PKN2: variants seen among roughly 807,000 people sequenced by gnomAD.
PKN2 encodes protein kinase N2.
In PKN2, 38 loss-of-function variants were observed where a neutral mutation model predicts 119.1. The ratio of observed to expected loss-of-function variants is 0.32; its 90% CI spans 0.25 to 0.42. PKN2 has a LOEUF of 0.42. Ranked by LOEUF, PKN2 falls within the 10% of genes least tolerant of loss-of-function variation. The pLI, the probability that PKN2 is intolerant of heterozygous loss-of-function variation, is 1.00. For missense variants in PKN2, 850 were observed against 1,165.1 expected (o/e 0.73, Z 3.94); for synonymous variants, 390 against 384.9 (o/e 1.01, Z -0.15).
At chr1:88,705,476 C>T (rs949692860) in intron 1 of PKN2, among the ~76,000 whole-genome samples, 13 of 151,898 alleles carry the variant, frequency 8.6e-5, no homozygotes, top group Non-Finnish European at 1.9e-4. Context: ...AGGCAGATCA[C>T]GAGGTCAGGA....
At chr1:88,738,452 A>G (rs910751384) in intron 1 of PKN2, among the ~76,000 whole-genome samples, 6 of 152,230 alleles carry the variant, frequency 3.9e-5, no homozygotes, top group East Asian at 1.9e-4. Flanking sequence ...GAAAGGAGAG[A>G]TGGTGCATAC....
intron 16 of PKN2, 36 bp from the exon 17 acceptor site, chr1:88,821,905 T>TTTA: frequency 6.7e-7 from 1 of 1,493,478 alleles, no homozygotes; most frequent in Admixed American, 2.5e-5. Context: ...AGCAATAAAA[T>TTTA]TTATTAAACT....
intron 16 of PKN2, among the ~76,000 whole-genome samples, chr1:88,820,124 C>T (rs1163599444): frequency 3.5e-5 from 5 of 143,090 alleles, no homozygotes; most frequent in Non-Finnish European, 7.5e-5. Flanking sequence ...ACATGTATCC[C>T]AGAACTTAAA....
At chr1:88,690,783 G>A (rs890995102) in intron 1 of PKN2, among the ~76,000 whole-genome samples, 13 of 152,018 alleles carry the variant, frequency 8.6e-5, no homozygotes, top group African/African-American at 2.7e-4. Flanking sequence ...GATCAAGAAA[G>A]CATGGGACAG....
chr1:88,749,969 A>G (rs1668922159), intron 2 of PKN2, among the ~76,000 whole-genome samples: 1 of 152,248 alleles, frequency 6.6e-6, no homozygotes, highest in South Asian at 2.1e-4. Flanking sequence ...GCTATAAAAT[A>G]AAGACCAAAG....
intron 6 of PKN2, among the ~76,000 whole-genome samples, chr1:88,781,842 C>A (rs1316188883): frequency 6.6e-6 from 1 of 151,956 alleles, no homozygotes; most frequent in Non-Finnish European, 1.5e-5. Context: ...TTAACAACAA[C>A]AAAACAAATA....
chr1:88,714,137 C>T (rs1310061232), intron 1 of PKN2, among the ~76,000 whole-genome samples: 1 of 152,136 alleles, frequency 6.6e-6, no homozygotes, highest in African/African-American at 2.4e-5. Flanking sequence ...TTCCATTTGT[C>T]TATATCTCTG....
chr1:88,690,999 A>G (rs935423947), intron 1 of PKN2, among the ~76,000 whole-genome samples: 2 of 152,136 alleles, frequency 1.3e-5, no homozygotes, highest in Non-Finnish European at 2.9e-5. Flanking sequence ...CAAAATTTGG[A>G]ATTTATTTTT....
At chr1:88,734,495 T>C (rs1476782456) in intron 1 of PKN2, among the ~76,000 whole-genome samples, 1 of 152,232 alleles carries the variant, frequency 6.6e-6, no homozygotes, top group Non-Finnish European at 1.5e-5. Flanking sequence ...TTGTCAAGAA[T>C]TAATAAACTG....
chr1:88,783,935 T>C (rs1369749680), intron 6 of PKN2, among the ~76,000 whole-genome samples: 2 of 152,090 alleles, frequency 1.3e-5, no homozygotes, highest in African/African-American at 4.8e-5. Flanking sequence ...TAAAGTTCTT[T>C]TCTGTGTTAA....
At chr1:88,694,602 C>T (rs1666461190) in intron 1 of PKN2, among the ~76,000 whole-genome samples, 1 of 152,144 alleles carries the variant, frequency 6.6e-6, no homozygotes, top group South Asian at 2.1e-4. Context: ...TGTGTGGATG[C>T]AACTTTTCAA....
intron 2 of PKN2, among the ~76,000 whole-genome samples, chr1:88,746,848 A>T (rs1003864265): frequency 1.3e-5 from 2 of 152,172 alleles, no homozygotes; most frequent in Non-Finnish European, 1.5e-5. Context: ...TATCCAAACA[A>T]CTGAAGTGCC....
chr1:88,769,597 A>G (rs72724741), intron 3 of PKN2, among the ~76,000 whole-genome samples: 3,913 of 152,214 alleles, frequency 0.026, 69 homozygotes, highest in African/African-American at 0.032. Flanking sequence ...CGATGTATAT[A>G]TATATGTATA....
At chr1:88,759,876 C>T (rs538802806) in intron 2 of PKN2, among the ~76,000 whole-genome samples, 8 of 152,082 alleles carry the variant, frequency 5.3e-5, no homozygotes, top group Non-Finnish European at 1.0e-4. Flanking sequence ...AGCCTACCAA[C>T]CAAAAAAGCC....
intron 8 of PKN2, among the ~76,000 whole-genome samples, chr1:88,789,894 T>A (rs1310362420): frequency 6.6e-6 from 1 of 152,268 alleles, no homozygotes; most frequent in Non-Finnish European, 1.5e-5. Context: ...TGTCCATAGA[T>A]GAACCAAGTT....
chr1:88,732,378 T>C (rs983613938), intron 1 of PKN2, among the ~76,000 whole-genome samples: 7 of 152,190 alleles, frequency 4.6e-5, no homozygotes, highest in African/African-American at 1.7e-4. Context: ...AAGTTCTTAT[T>C]TTTAACATAA....
chr1:88,691,125 G>A (rs956450206), intron 1 of PKN2, among the ~76,000 whole-genome samples: 5 of 152,066 alleles, frequency 3.3e-5, no homozygotes, highest in Non-Finnish European at 5.9e-5. Context: ...GTGCAGTGAC[G>A]TGATCTCGGC....
intron 8 of PKN2, among the ~76,000 whole-genome samples, chr1:88,799,655 A>C (rs1019626861): frequency 5.3e-5 from 8 of 151,962 alleles, no homozygotes; most frequent in African/African-American, 1.9e-4. Flanking sequence ...ATGGCCACCA[A>C]CTCCTGTCGG....
rs754570164 is a variant in PKN2, at chr1:88,770,466, A to G, written c.619A>G (p.Asn207Asp). 3.3e-6 allele frequency: 5 copies of G among 1,496,874 alleles called. No individual in the cohort carries two copies. The highest frequency in any genetic ancestry group is 4.7e-6 in the Non-Finnish European group (5 of 1,072,862). The allele number at this position is 1,496,874 out of a possible 1,614,324, so 92.7% of individuals were successfully genotyped here. The change falls in exon 4 of 22, where the codon AAT becomes GAT. Residue 207 changes from asparagine to aspartate, a missense_variant. By Grantham distance (23) the Asn-to-Asp change is conservative. This residue lies in a region of PKN2 where 350 missense variants were observed against 511.1 expected (regional missense o/e 0.68). Transcript: ENST00000370521. Reference protein sequence around the residue: ...AVQTNELAFDNAKPVISPLEL... With the variant: ...AVQTNELAFDDAKPVISPLEL... ...CCAGACTAATGAATTGGCTTTTGAT[A>G]ATGGTGATGGAATAAATTGTCCTCC...
Sources: gnomAD v4.1 joint callset for allele counts (sites outside exome capture counted in the v4.1 genomes callset) on GRCh38, gnomAD v4.1.1 for gene constraint, gnomAD v4.1.1 regional missense constraint, MANE v1.5 for transcripts, NCBI Gene and HGNC (gene_info 2026-07-23, HGNC 2026-07-21) for gene names.